NAPB: variants seen among roughly 807,000 people sequenced by gnomAD.
NAPB encodes the protein NSF attachment protein beta.
A neutral mutation model predicts 44.7 loss-of-function variants in NAPB; 26 were observed. The observed-to-expected ratio is 0.58, with a 90% CI of 0.43 to 0.81. The LOEUF is 0.81. Among genes scored for constraint, NAPB ranks in the 30% least tolerant of loss-of-function variants. NAPB has a pLI of 0.00. For missense variants in NAPB, 315 were observed against 356.4 expected (o/e 0.88, Z 0.94); for synonymous variants, 120 against 116.8 (o/e 1.03, Z -0.18).
At chr20:23,403,897 G>C (rs552148100) in intron 1 of NAPB, among the ~76,000 whole-genome samples, 11 of 152,288 alleles carry the variant, frequency 7.2e-5, no homozygotes, top group African/African-American at 2.4e-4. Context: ...GTCAACTCTG[G>C]TAAGGGCAAG....
At chr20:23,420,581 G>T (rs1014327587) in intron 1 of NAPB, among the ~76,000 whole-genome samples, 2 of 151,916 alleles carry the variant, frequency 1.3e-5, no homozygotes, top group Non-Finnish European at 2.9e-5. Flanking sequence ...GCTCCACCCC[G>T]GCGCGCCTCA....
At chr20:23,387,774 C>T (rs6076065) in intron 7 of NAPB, among the ~76,000 whole-genome samples, 12 of 152,026 alleles carry the variant, frequency 7.9e-5, no homozygotes, top group African/African-American at 2.7e-4. Context: ...CTGTATTCAT[C>T]GACTGTCAGA....
chr20:23,412,640 TGAAA>T (rs1985733040), intron 1 of NAPB, among the ~76,000 whole-genome samples: 1 of 152,070 alleles, frequency 6.6e-6, no homozygotes, highest in African/African-American at 2.4e-5. Context: ...AATACAGACA[TGAAA>T]GACAGAGACA....
In NAPB at chr20:23,397,130, A is replaced by G; in HGVS notation, c.237T>C (p.His79=). Residue 79 remains histidine (H), a synonymous_variant, in exon 3 of 11, where the codon CAT becomes CAC. Transcript: ENST00000377026. ...AKLHMQLQSK[H]DSATSFVDAG... ...CATCCACAAAGCTGGTAGCAGAGTCATGTTTGCTCTGAAGCTGCATGTGGA... is the reference window on the plus strand; with the variant it reads ...CATCCACAAAGCTGGTAGCAGAGTCGTGTTTGCTCTGAAGCTGCATGTGGA... 6.2e-7 allele frequency: 1 copy of G among 1,613,812 alleles called. No individual in the cohort carries two copies. The highest frequency in any genetic ancestry group is 8.5e-7 in the Non-Finnish European group (1 of 1,179,740).
intron 1 of NAPB, among the ~76,000 whole-genome samples, chr20:23,418,592 A>C (rs1470678932): frequency 6.6e-6 from 1 of 152,150 alleles, no homozygotes; most frequent in African/African-American, 2.4e-5. Context: ...TATAAATCAC[A>C]CTTGCATGGT....
In NAPB at chr20:23,379,026, C is replaced by T. The variant is rs182653818; in HGVS notation, c.786+419G>A. 7.6e-3 allele frequency: 1,164 copies of T among 153,648 alleles called. 18 individuals are homozygous for T. The highest frequency in any genetic ancestry group is 0.027 in the African/African-American group (1,099 of 40,952). 9.5% of individuals were successfully genotyped at this position (153,648 alleles called of 1,614,324 possible). ...TAGAGACGGGGTTTCACCATGTTGG[C>T]GAGGATGGTCTCAATTTCCTGACTC... On this transcript the variant is annotated intron_variant, in intron 10 of 10. Transcript: ENST00000377026.
At chr20:23,401,218 G>A (rs1397449379) in intron 2 of NAPB, among the ~76,000 whole-genome samples, 1 of 152,128 alleles carries the variant, frequency 6.6e-6, no homozygotes, top group African/African-American at 2.4e-5. Context: ...CTACAGAGAC[G>A]TCAGCTCTTA....
At chr20:23,412,679 G>A (rs1045857893) in intron 1 of NAPB, among the ~76,000 whole-genome samples, 1 of 152,066 alleles carries the variant, frequency 6.6e-6, no homozygotes, top group African/African-American at 2.4e-5. Flanking sequence ...TAGACAAGAG[G>A]GATCTCTATC....
At chr20:23,402,565 T>C (rs1383301005) in intron 2 of NAPB, among the ~76,000 whole-genome samples, 1 of 152,102 alleles carries the variant, frequency 6.6e-6, no homozygotes, top group Non-Finnish European at 1.5e-5. Flanking sequence ...CAGGGAATGG[T>C]CATTCTCAAC....
At chr20:23,396,746 CAA>C (rs1984397583) in intron 3 of NAPB, 2 of 159,662 alleles carry the variant, frequency 1.3e-5, no homozygotes, top group Non-Finnish European at 2.7e-5. Flanking sequence ...TACATTTTCA[CAA>C]AATTAAGATA....
At chr20:23,398,396 G>A (rs1286121142) in intron 2 of NAPB, among the ~76,000 whole-genome samples, 2 of 151,860 alleles carry the variant, frequency 1.3e-5, no homozygotes, top group African/African-American at 2.4e-5. Flanking sequence ...TCAAGACAGG[G>A]TCTCAATCTG....
intron 2 of NAPB, among the ~76,000 whole-genome samples, chr20:23,400,728 T>A (rs921192557): frequency 6.6e-6 from 1 of 152,172 alleles, no homozygotes; most frequent in African/African-American, 2.4e-5. Context: ...AATGCTGTTA[T>A]GATCATCACC....
At chr20:23,386,973 C>T (rs562900843) in intron 7 of NAPB, among the ~76,000 whole-genome samples, 1 of 151,964 alleles carries the variant, frequency 6.6e-6, no homozygotes, top group Non-Finnish European at 1.5e-5. Context: ...AAGGTTGGTT[C>T]AACATATGAA....
intron 3 of NAPB, 24 bp downstream of exon 3, chr20:23,397,048 A>C: frequency 1.2e-6 from 2 of 1,606,726 alleles, no homozygotes; most frequent in South Asian, 2.2e-5. Flanking sequence ...CAGAGATAGC[A>C]TGCTACATGC....
intron 1 of NAPB, among the ~76,000 whole-genome samples, chr20:23,410,361 T>C (rs1279400380): frequency 6.6e-6 from 1 of 152,192 alleles, no homozygotes; most frequent in African/African-American, 2.4e-5. Flanking sequence ...TGTGACTCTC[T>C]ACACTAAACA....
chr20:23,383,156 CAAAAAAAAAAAAAA>C (rs34238446), intron 7 of NAPB, among the ~76,000 whole-genome samples: 1 of 76,746 alleles, frequency 1.3e-5, no homozygotes, highest in Non-Finnish European at 2.5e-5. Flanking sequence ...GACTCGGTCT[CAAAAAAAAAAAAAA>C]AAAAAAAAAG....
intron 2 of NAPB, among the ~76,000 whole-genome samples, chr20:23,400,515 T>C (rs1011803982): frequency 2.0e-5 from 3 of 151,990 alleles, no homozygotes; most frequent in African/African-American, 7.2e-5. Context: ...GACTCCATTC[T>C]CGGAGGTGGA....
intron 1 of NAPB, among the ~76,000 whole-genome samples, chr20:23,403,980 T>C (rs992615330): frequency 6.6e-6 from 1 of 152,074 alleles, no homozygotes; most frequent in African/African-American, 2.4e-5. Flanking sequence ...CCCTGAGAAA[T>C]GCATTTTACA....
rs1254807845 is a variant in NAPB at position 23,421,406 on chromosome 20, G to T, written c.-4C>A. 2.6e-6 allele frequency: 4 copies of T among 1,541,464 alleles called. No individual in the cohort carries two copies. Among genetic ancestry groups the T allele is most frequent in the East Asian group, 2.5e-5 (1 of 39,712 alleles). ...GCTCCTTCCCCGCGTTGTCCATGTCGCCCGCCGCGGCCGCCACAGCCCCCT... is the reference window on the plus strand; with the variant it reads ...GCTCCTTCCCCGCGTTGTCCATGTCTCCCGCCGCGGCCGCCACAGCCCCCT... On this transcript the variant is annotated 5_prime_UTR_variant, in exon 1 of 11. Transcript: ENST00000377026.
Sources: allele counts gnomAD v4.1 joint callset (sites outside exome capture counted in the v4.1 genomes callset), GRCh38; gene constraint gnomAD v4.1.1; transcripts MANE v1.5; gene names NCBI Gene and HGNC (gene_info 2026-07-23, HGNC 2026-07-21).